PPARGC1A: variants seen among roughly 807,000 people sequenced by gnomAD.
The protein encoded by PPARGC1A is peroxisome proliferator-activated receptor gamma coactivator 1-alpha.
Under a neutral mutation model 88.7 loss-of-function variants are expected in PPARGC1A, and 25 were observed. That is an observed-to-expected ratio of 0.28 (90% CI 0.21 to 0.39). The LOEUF is 0.39. Among genes scored for constraint, PPARGC1A ranks in the 10% least tolerant of loss-of-function variants. The pLI, the probability that PPARGC1A is intolerant of heterozygous loss-of-function variation, is 1.00. For missense variants in PPARGC1A, 880 were observed against 968.7 expected (o/e 0.91, Z 1.22); for synonymous variants, 363 against 355.6 (o/e 1.02, Z -0.24).
intron 2 of PPARGC1A, among the ~76,000 whole-genome samples, chr4:23,848,610 G>A (rs1221146585): frequency 6.6e-6 from 1 of 152,162 alleles, no homozygotes; most frequent in Non-Finnish European, 1.5e-5. Flanking sequence ...ATAATTCAGT[G>A]CCATTTCAGC....
At chr4:24,425,029 T>C in the PPARGC1A span, among the ~76,000 whole-genome samples, 1 of 152,234 alleles carries the variant, frequency 6.6e-6, no homozygotes, top group Admixed American at 6.5e-5. Flanking sequence ...ATTATGCATA[T>C]AATTACAGTA....
At chr4:23,893,962 A>G (rs1165188504), upstream of PPARGC1A, among the ~76,000 whole-genome samples, 1 of 152,124 alleles carries the variant, frequency 6.6e-6, no homozygotes, top group Non-Finnish European at 1.5e-5. Context: ...ATCCAATAAA[A>G]ATGACCTGTG....
At chr4:24,323,870 G>A in the PPARGC1A span, among the ~76,000 whole-genome samples, 4 of 152,114 alleles carry the variant, frequency 2.6e-5, no homozygotes, top group Admixed American at 6.5e-5. Flanking sequence ...TCCGGTAAGC[G>A]GCCTCTTTTT....
At chr4:23,971,209 T>G in the PPARGC1A span, among the ~76,000 whole-genome samples, 1 of 152,256 alleles carries the variant, frequency 6.6e-6, no homozygotes, top group Admixed American at 6.5e-5. Context: ...CAAGAGTACT[T>G]AGAGATTTTT....
the PPARGC1A span, among the ~76,000 whole-genome samples, chr4:24,470,461 G>T: frequency 6.6e-6 from 1 of 152,098 alleles, no homozygotes; most frequent in Non-Finnish European, 1.5e-5. This position sits in a 1 kb window ranked among gnomAD's most constrained non-coding sequence, Gnocchi z 5.8. Context: ...GCCAGGCGGG[G>T]CAGGATAGCC....
At chr4:24,173,146 C>T in the PPARGC1A span, among the ~76,000 whole-genome samples, 11 of 152,034 alleles carry the variant, frequency 7.2e-5, no homozygotes, top group Middle Eastern at 3.4e-3. Flanking sequence ...TTTGAGGTAC[C>T]CAGACAGAGG....
chr4:23,867,825 C>T (rs1712351036), intron 2 of PPARGC1A, among the ~76,000 whole-genome samples: 1 of 152,200 alleles, frequency 6.6e-6, no homozygotes, highest in Non-Finnish European at 1.5e-5. Flanking sequence ...CTTGTACAAT[C>T]ATGCACACTT....
chr4:24,110,685 T>C, the PPARGC1A span, among the ~76,000 whole-genome samples: 8,117 of 152,220 alleles, frequency 0.053, 316 homozygotes, highest in African/African-American at 0.11. Context: ...TTTTTCTTGA[T>C]GTAAAAGGAA....
upstream of PPARGC1A, among the ~76,000 whole-genome samples, chr4:23,899,915 T>C (rs1719087586): frequency 1.3e-5 from 2 of 152,110 alleles, no homozygotes; most frequent in East Asian, 3.9e-4. Flanking sequence ...CATGTACTTT[T>C]CAGTATCATA....
At chr4:23,913,603 G>A in the PPARGC1A span, among the ~76,000 whole-genome samples, 2 of 152,092 alleles carry the variant, frequency 1.3e-5, no homozygotes, top group Non-Finnish European at 2.9e-5. Flanking sequence ...ATGAGACTTG[G>A]AGATATTTAC....
chr4:23,808,605 CT>C (rs1218694317), intron 10 of PPARGC1A, among the ~76,000 whole-genome samples: 1 of 152,106 alleles, frequency 6.6e-6, no homozygotes, highest in African/African-American at 2.4e-5. Flanking sequence ...CCAATATAAC[CT>C]GAATTATTTC....
intron 2 of PPARGC1A, among the ~76,000 whole-genome samples, chr4:23,868,184 C>T (rs1037962454): frequency 1.3e-5 from 2 of 152,100 alleles, no homozygotes; most frequent in Non-Finnish European, 2.9e-5. Flanking sequence ...CATATAGCAG[C>T]GCCTTTACCC....
chr4:24,338,987 A>T, the PPARGC1A span, among the ~76,000 whole-genome samples: 1 of 152,092 alleles, frequency 6.6e-6, no homozygotes, highest in East Asian at 1.9e-4. Context: ...CATTAAGTCC[A>T]TTCATATTGC....
the PPARGC1A span, among the ~76,000 whole-genome samples, chr4:24,344,933 A>C: frequency 6.6e-6 from 1 of 152,290 alleles, no homozygotes; most frequent in East Asian, 1.9e-4. Flanking sequence ...TTTTTGTATA[A>C]AATGAGAGGT....
intron 2 of PPARGC1A, among the ~76,000 whole-genome samples, chr4:23,852,556 G>A (rs533429278): frequency 1.9e-4 from 29 of 152,000 alleles, no homozygotes; most frequent in Admixed American, 6.5e-4. Context: ...TCTGATTGTC[G>A]TTTTAAAAAT....
At chr4:24,421,055 A>T in the PPARGC1A span, among the ~76,000 whole-genome samples, 1 of 152,168 alleles carries the variant, frequency 6.6e-6, no homozygotes, top group East Asian at 1.9e-4. Context: ...CAATGACCCC[A>T]TCCTCTCACA....
chr4:23,940,617 T>C, the PPARGC1A span, among the ~76,000 whole-genome samples: 2 of 152,188 alleles, frequency 1.3e-5, no homozygotes, highest in East Asian at 3.8e-4. Context: ...TGAACAGTAA[T>C]TGTATGGTCA....
chr4:24,394,071 C>T, the PPARGC1A span, among the ~76,000 whole-genome samples: 22 of 152,304 alleles, frequency 1.4e-4, no homozygotes, highest in African/African-American at 5.1e-4. Context: ...AAAACCATGG[C>T]CCTCCAGCTA....
At chr4:24,061,735 T>C in the PPARGC1A span, among the ~76,000 whole-genome samples, 2 of 152,184 alleles carry the variant, frequency 1.3e-5, no homozygotes, top group East Asian at 3.9e-4. Context: ...TGGCTCTAAT[T>C]TGATGCTCAC....
Sources: gnomAD v4.1 joint callset for allele counts (sites outside exome capture counted in the v4.1 genomes callset) on GRCh38, gnomAD v4.1.1 for gene constraint, Gnocchi (gnomAD v3.1) non-coding constraint, MANE v1.5 for transcripts, NCBI Gene and HGNC (gene_info 2026-07-23, HGNC 2026-07-21) for gene names.